The following DACH1 variants were observed in gnomAD, a reference collection of about 807,000 sequenced individuals.
DACH1 encodes the protein dachshund family transcription factor 1, also known as dachshund homolog 1.
In DACH1, 12 loss-of-function variants were observed where a neutral mutation model predicts 54.2. The observed-to-expected ratio is 0.22, with a 90% CI of 0.14 to 0.36. The LOEUF (loss-of-function observed/expected upper bound fraction) is 0.36, where lower values mean the gene tolerates loss of function less well. Ranked by LOEUF, DACH1 falls within the 10% of genes least tolerant of loss-of-function variation. DACH1 has a pLI of 1.00. For synonymous variants in DACH1, 386 were observed against 366.2 expected, an observed-to-expected ratio of 1.05 and a Z score of -0.62; for missense variants, 805 against 929.8, an observed-to-expected ratio of 0.87 and a Z score of 1.75.
chr13:71,444,397 T>C (rs1223702026), intron 10 of DACH1, among the ~76,000 whole-genome samples: 2 of 152,184 alleles, frequency 1.3e-5, no homozygotes, highest in Non-Finnish European at 2.9e-5. Context: ...ATTGAGATTA[T>C]CATTCCCATT....
chr13:71,658,116 G>C (rs1030961066), intron 2 of DACH1, among the ~76,000 whole-genome samples: 1 of 151,932 alleles, frequency 6.6e-6, no homozygotes, highest in Non-Finnish European at 1.5e-5. Flanking sequence ...TGACTAAAAG[G>C]CATAATGTTT....
chr13:71,753,057 A>G (rs1199161565), intron 1 of DACH1, among the ~76,000 whole-genome samples: 4 of 152,188 alleles, frequency 2.6e-5, no homozygotes, highest in Non-Finnish European at 5.9e-5. Flanking sequence ...ACCACTATGC[A>G]TGGGATAATA....
intron 6 of DACH1, among the ~76,000 whole-genome samples, chr13:71,536,029 A>T (rs938244816): frequency 6.6e-6 from 1 of 152,044 alleles, no homozygotes; most frequent in Admixed American, 6.6e-5. Flanking sequence ...ATTTGATAAA[A>T]CTATTTACTT....
In DACH1 at chr13:71,848,495, A is replaced by G. The variant is rs186205882; in HGVS notation, c.848+17427T>C. On this transcript the variant is annotated intron_variant, in intron 1 of 10. Transcript: ENST00000613252. ...TTCGTGCTTTGTAAGCTCTTCTGGT[A>G]AGAGAGTTTTAAAAATTCAGTTGGG... 4.5e-4 allele frequency among the ~76,000 whole-genome samples: 69 copies of G among 152,274 alleles called. 1 individual carries two copies. The East Asian group carries it at 0.011, about 25-fold the overall frequency.
At chr13:71,664,700 T>C (rs192506537) in intron 2 of DACH1, among the ~76,000 whole-genome samples, 2 of 152,036 alleles carry the variant, frequency 1.3e-5, no homozygotes, top group Non-Finnish European at 2.9e-5. Context: ...AAGAACTCAG[T>C]GTTAATAAAC....
chr13:71,693,947 T>C (rs1260898521), intron 1 of DACH1, among the ~76,000 whole-genome samples: 1 of 152,100 alleles, frequency 6.6e-6, no homozygotes, highest in Admixed American at 6.5e-5. Flanking sequence ...CATCTTCACA[T>C]ATAAATCACA....
intron 1 of DACH1, among the ~76,000 whole-genome samples, chr13:71,781,349 TA>T (rs1399539442): frequency 2.7e-4 from 21 of 77,256 alleles, no homozygotes; most frequent in South Asian, 7.8e-4. Context: ...TTTTTATTTT[TA>T]TTTATTTATT....
chr13:71,665,312 T>C (rs1004251477), intron 2 of DACH1, among the ~76,000 whole-genome samples: 8 of 152,002 alleles, frequency 5.3e-5, no homozygotes, highest in African/African-American at 1.9e-4. Flanking sequence ...ATTAATGAAT[T>C]AAGCTTGGTC....
intron 1 of DACH1, among the ~76,000 whole-genome samples, chr13:71,743,722 G>A (rs936792737): frequency 6.6e-6 from 1 of 152,084 alleles, no homozygotes; most frequent in East Asian, 1.9e-4. Context: ...AGTGTTTCAG[G>A]AAGATTGATA....
chr13:71,592,199 T>C (rs1873758144), intron 3 of DACH1, among the ~76,000 whole-genome samples: 1 of 151,836 alleles, frequency 6.6e-6, no homozygotes, highest in African/African-American at 2.4e-5. Flanking sequence ...GAGAAAGAAG[T>C]ACTTTGAAAA....
intron 10 of DACH1, among the ~76,000 whole-genome samples, chr13:71,443,822 T>C (rs149812641): frequency 7.7e-4 from 118 of 152,312 alleles, no homozygotes; most frequent in Middle Eastern, 6.8e-3. Flanking sequence ...TGGAACCTCC[T>C]AAATCAGGTA....
chr13:71,511,060 C>T (rs778961560), intron 6 of DACH1, among the ~76,000 whole-genome samples: 13 of 151,926 alleles, frequency 8.6e-5, no homozygotes, highest in Admixed American at 2.0e-4. Context: ...TACAGCACTA[C>T]GTTATGTGCT....
intron 1 of DACH1, among the ~76,000 whole-genome samples, chr13:71,831,350 TA>T: frequency 6.6e-6 from 1 of 151,660 alleles, no homozygotes; most frequent in East Asian, 1.9e-4. Context: ...TAGTATTATA[TA>T]AAAATAAACA....
intron 3 of DACH1, among the ~76,000 whole-genome samples, chr13:71,615,889 T>C (rs1453537370): frequency 6.6e-6 from 1 of 152,152 alleles, no homozygotes; most frequent in Non-Finnish European, 1.5e-5. Context: ...TAAGAAATTT[T>C]AGAATAGTGA....
chr13:71,829,533 C>T (rs898889067), intron 1 of DACH1, among the ~76,000 whole-genome samples: 7 of 151,844 alleles, frequency 4.6e-5, no homozygotes, highest in African/African-American at 1.7e-4. Context: ...CTCCTCAAAC[C>T]TAGGCTTTGA....
In DACH1 at chr13:71,572,925, A is replaced by G; in HGVS notation, c.1214T>C (p.Met405Thr). The change falls in exon 4 of 11, where the codon ATG (methionine) becomes ACG (threonine). Residue 405 changes from methionine to threonine, a missense_variant. By Grantham distance (81) the Met-to-Thr change is moderately conservative (BLOSUM62 -1). Coordinates refer to ENST00000613252, the MANE Select transcript of DACH1 (RefSeq NM_080759.6). ...PASVTMAMSQ[M>T]NHLSTIANMA... is the part of the protein sequence containing the mutation. ...ATTTGCAATGGTGCTGAGGTGGTTCATCTGGCTCATTGCCATGGTGACAGA... is the reference window on the plus strand; with the variant it reads ...ATTTGCAATGGTGCTGAGGTGGTTCGTCTGGCTCATTGCCATGGTGACAGA... 1 of 1,614,142 alleles carries G rather than the reference A, an allele frequency of 6.2e-7. No individual in the cohort carries two copies. Among genetic ancestry groups the G allele is most frequent in the Non-Finnish European group, 8.5e-7 (1 of 1,179,994 alleles).
chr13:71,819,650 A>C (rs1888110109), intron 1 of DACH1, among the ~76,000 whole-genome samples: 1 of 152,150 alleles, frequency 6.6e-6, no homozygotes, highest in Non-Finnish European at 1.5e-5. Flanking sequence ...TCCATTCTCC[A>C]CTACTGACAG....
At chr13:71,683,803 T>TGATAAGG (rs754254793) in intron 1 of DACH1, among the ~76,000 whole-genome samples, 29 of 152,248 alleles carry the variant, frequency 1.9e-4, no homozygotes, top group Non-Finnish European at 3.7e-4. Flanking sequence ...ATCACTTAGA[T>TGATAAGG]GCTAAGGGCT....
intron 1 of DACH1, among the ~76,000 whole-genome samples, chr13:71,733,320 C>G (rs895756713): frequency 6.6e-6 from 1 of 151,978 alleles, no homozygotes; most frequent in African/African-American, 2.4e-5. Context: ...CGCCACTATG[C>G]CTGGCCAAGT....
Sources: allele counts gnomAD v4.1 joint callset (sites outside exome capture counted in the v4.1 genomes callset), GRCh38; gene constraint gnomAD v4.1.1; transcripts MANE v1.5; gene names NCBI Gene and HGNC (gene_info 2026-07-23, HGNC 2026-07-21).